Variants in NELL1 observed in about 807,000 individuals in gnomAD.
NELL1 encodes the protein protein kinase C-binding protein NELL1.
In NELL1, 76 loss-of-function variants were observed where a neutral mutation model predicts 107.4. The ratio of observed to expected loss-of-function variants is 0.71; its 90% CI spans 0.59 to 0.86. NELL1 has a LOEUF of 0.86. Among genes scored for constraint, NELL1 ranks in the 40% least tolerant of loss-of-function variants. The pLI, the probability that NELL1 is intolerant of heterozygous loss-of-function variation, is 0.00. For missense variants in NELL1, 1,024 were observed against 1,005.5 expected, an observed-to-expected ratio of 1.02 and a Z score of -0.25; for synonymous variants, 353 against 341.2, an observed-to-expected ratio of 1.03 and a Z score of -0.38.
chr11:21,021,391 G>A (rs1387738085), intron 12 of NELL1, among the ~76,000 whole-genome samples: 2 of 152,070 alleles, frequency 1.3e-5, no homozygotes, highest in Non-Finnish European at 2.9e-5. Context: ...ATGGCCCATA[G>A]AGTTGTGGAT....
intron 3 of NELL1, among the ~76,000 whole-genome samples, chr11:20,839,521 A>G (rs1030682129): frequency 6.6e-6 from 1 of 152,228 alleles, no homozygotes; most frequent in Non-Finnish European, 1.5e-5. Flanking sequence ...TTTCATGTAT[A>G]TAGAAAGATG....
chr11:21,093,674 T>C (rs1044318607), intron 12 of NELL1, among the ~76,000 whole-genome samples: 2 of 152,160 alleles, frequency 1.3e-5, no homozygotes, highest in African/African-American at 4.8e-5. Flanking sequence ...CGGAAGGCAA[T>C]GAGGAGCAAG....
At chr11:21,296,629 G>A (rs1849382090) in intron 14 of NELL1, among the ~76,000 whole-genome samples, 1 of 151,932 alleles carries the variant, frequency 6.6e-6, no homozygotes, top group South Asian at 2.1e-4. Context: ...GAAGGAAGAA[G>A]CGCTGATACT....
chr11:21,438,231 T>A (rs1853181465), intron 15 of NELL1, among the ~76,000 whole-genome samples: 1 of 151,860 alleles, frequency 6.6e-6, no homozygotes, highest in South Asian at 2.1e-4. Context: ...GAAGGATAGC[T>A]TTACTGGTGC....
At position 21,009,814 on chromosome 11, in the gene NELL1, A is replaced by G. The variant is rs139095474; in HGVS notation, c.1300+49254A>G. ...GAAAAAATGGTCAGAAGCTTCCTTA[A>G]CGAGCGTGTGCTCAGAGGAAGGTTT... is the stretch of plus-strand genomic sequence containing the variant. On this transcript the variant is annotated intron_variant, in intron 12 of 19. Transcript: ENST00000357134. Among the ~76,000 whole-genome samples the G allele has an allele frequency of 2.4e-3, 369 of 152,200 alleles. 2 individuals are homozygous for G. Among genetic ancestry groups the G allele is most frequent in the Non-Finnish European group, 2.7e-3 (186 of 67,984 alleles).
In NELL1 at chr11:21,035,672, T is replaced by G. The variant is rs935089879; in HGVS notation, c.1300+75112T>G. Among the ~76,000 whole-genome samples the G allele has an allele frequency of 1.6e-4, 25 of 152,120 alleles. No individual in the cohort carries two copies. The East Asian group carries it at 4.8e-3, about 29-fold the overall frequency. ...CAATAGATGCAGAAAAAGCTTTCAATAAAATTCAACACCCCTCATGTTAAA... is the reference window on the plus strand; with the variant it reads ...CAATAGATGCAGAAAAAGCTTTCAAGAAAATTCAACACCCCTCATGTTAAA... On this transcript the variant is annotated intron_variant, in intron 12 of 19. Coordinates refer to ENST00000357134, the MANE Select transcript of NELL1 (RefSeq NM_006157.5).
At chr11:21,282,331 C>T (rs1182482089) in intron 14 of NELL1, among the ~76,000 whole-genome samples, 3 of 151,754 alleles carry the variant, frequency 2.0e-5, no homozygotes, top group African/African-American at 2.4e-5. Flanking sequence ...ACTTATATAC[C>T]ACCACACCTG....
At chr11:21,073,448 T>C (rs1007522112) in intron 12 of NELL1, among the ~76,000 whole-genome samples, 4 of 152,190 alleles carry the variant, frequency 2.6e-5, no homozygotes, top group African/African-American at 9.6e-5. Context: ...GTACAACTTA[T>C]CTAACGAATG....
chr11:20,979,613 G>T (rs560283847), intron 12 of NELL1, among the ~76,000 whole-genome samples: 33 of 152,298 alleles, frequency 2.2e-4, no homozygotes, highest in Non-Finnish European at 4.4e-4. Context: ...TGGAATTTTT[G>T]AGTATCTGAG....
chr11:21,124,248 T>A (rs1855437151), intron 13 of NELL1, among the ~76,000 whole-genome samples: 1 of 152,184 alleles, frequency 6.6e-6, no homozygotes, highest in Non-Finnish European at 1.5e-5. Context: ...CATTGAGTTT[T>A]TTTCCCCCCG....
At chr11:20,936,473 G>T (rs1850727701) in intron 9 of NELL1, among the ~76,000 whole-genome samples, 1 of 152,156 alleles carries the variant, frequency 6.6e-6, no homozygotes, top group Admixed American at 6.5e-5. Flanking sequence ...TGGACTAGAT[G>T]ACTACTGTTT....
At chr11:21,307,966 G>A (rs934136458) in intron 14 of NELL1, among the ~76,000 whole-genome samples, 2 of 151,910 alleles carry the variant, frequency 1.3e-5, no homozygotes, top group South Asian at 4.1e-4. Flanking sequence ...TCATGAATAG[G>A]AGCCAAACTA....
intron 13 of NELL1, among the ~76,000 whole-genome samples, chr11:21,219,668 G>T (rs1028344652): frequency 1.3e-5 from 2 of 152,102 alleles, no homozygotes; most frequent in Admixed American, 1.3e-4. Flanking sequence ...GTGAGAAATA[G>T]GGGTCTAATT....
intron 13 of NELL1, among the ~76,000 whole-genome samples, chr11:21,219,534 A>T (rs992547708): frequency 6.6e-6 from 1 of 152,086 alleles, no homozygotes; most frequent in Non-Finnish European, 1.5e-5. Flanking sequence ...TTGAAGTCTT[A>T]CCCTAAAATC....
chr11:21,555,877 T>G (rs1050366892), intron 16 of NELL1, among the ~76,000 whole-genome samples: 3 of 151,994 alleles, frequency 2.0e-5, no homozygotes, highest in African/African-American at 7.2e-5. Flanking sequence ...TTCTTCATAG[T>G]CTGTGTGCTA....
At chr11:20,898,318 G>A (rs1335315004) in intron 5 of NELL1, among the ~76,000 whole-genome samples, 1 of 151,838 alleles carries the variant, frequency 6.6e-6, no homozygotes, top group Non-Finnish European at 1.5e-5. Flanking sequence ...ACTATTGCGA[G>A]GACAAAAAAC....
At chr11:21,022,270 G>T (rs1472280391) in intron 12 of NELL1, among the ~76,000 whole-genome samples, 2 of 151,968 alleles carry the variant, frequency 1.3e-5, no homozygotes, top group Non-Finnish European at 2.9e-5. Flanking sequence ...GATTTGCTCA[G>T]GCAACTCCTG....
intron 13 of NELL1, among the ~76,000 whole-genome samples, chr11:21,125,403 T>C (rs1372603069): frequency 1.3e-5 from 2 of 152,208 alleles, no homozygotes; most frequent in South Asian, 2.1e-4. Context: ...CAGAATAACT[T>C]GGATTCTAAA....
chr11:21,327,156 T>G (rs1471022893), intron 14 of NELL1, among the ~76,000 whole-genome samples: 6 of 113,330 alleles, frequency 5.3e-5, no homozygotes, highest in Non-Finnish European at 1.1e-4. Context: ...TCTCATGAGA[T>G]CTGATGTTTT....
Sources: allele counts gnomAD v4.1 joint callset (sites outside exome capture counted in the v4.1 genomes callset), GRCh38; gene constraint gnomAD v4.1.1; transcripts MANE v1.5; gene names NCBI Gene and HGNC (gene_info 2026-07-23, HGNC 2026-07-21).